F13A1: variants seen among roughly 807,000 people sequenced by gnomAD.
The protein encoded by F13A1 is coagulation factor XIII A chain, also known as FSF, A subunit.
Under a neutral mutation model 80.1 loss-of-function variants are expected in F13A1, and 47 were observed. That is an observed-to-expected ratio of 0.59 (90% confidence interval 0.46 to 0.75). The LOEUF (loss-of-function observed/expected upper bound fraction) is 0.75. Among genes scored for constraint, F13A1 ranks in the 30% least tolerant of loss-of-function variants. The pLI is 0.00. For synonymous variants in F13A1, 349 were observed against 344.9 expected (o/e 1.01, Z -0.13); for missense variants, 817 against 930.4 (o/e 0.88, Z 1.59).
intron 10 of F13A1, 120 bp downstream of exon 10, chr6:6,195,677 G>T: frequency 1.2e-6 from 1 of 843,620 alleles, no homozygotes; most frequent in Non-Finnish European, 2.0e-6. Context: ...AGTTACCTTT[G>T]TCAACACGAA....
intron 2 of F13A1, among the ~76,000 whole-genome samples, chr6:6,310,462 T>C (rs879443068): frequency 1.3e-5 from 2 of 152,196 alleles, no homozygotes; most frequent in Non-Finnish European, 2.9e-5. Flanking sequence ...GAAGTACCTA[T>C]CTTATAGAGT....
In F13A1 at chr6:6,162,110, C is replaced by T. The variant is rs932176985; in HGVS notation, c.1908+5348G>A. Among the ~76,000 whole-genome samples the T allele has an allele frequency of 2.6e-5, 4 of 152,154 alleles. No individual in the cohort carries two copies. The highest frequency in any genetic ancestry group is 9.7e-5 in the African/African-American group (4 of 41,420). ...CCGACTTGTGGGAGAGCAGAGTTGACAATCATGTTACATTCCCACTCTAGA... is the reference window on the plus strand; with the variant it reads ...CCGACTTGTGGGAGAGCAGAGTTGATAATCATGTTACATTCCCACTCTAGA... On this transcript the variant is annotated intron_variant, in intron 13 of 14. Transcript: ENST00000264870. This position sits in a 1 kb window ranked among gnomAD's most constrained non-coding sequence, Gnocchi z 4.2.
intron 4 of F13A1, among the ~76,000 whole-genome samples, chr6:6,259,158 C>A (rs564300743): frequency 4.2e-4 from 64 of 152,216 alleles, no homozygotes; most frequent in Middle Eastern, 3.4e-3. Flanking sequence ...GCATGGGATG[C>A]GACATACTAT....
At chr6:6,236,270 G>A (rs1757412766) in intron 6 of F13A1, among the ~76,000 whole-genome samples, 1 of 152,026 alleles carries the variant, frequency 6.6e-6, no homozygotes, top group Non-Finnish European at 1.5e-5. Flanking sequence ...TTATCCAATT[G>A]TACATTAAGT....
chr6:6,308,757 C>T (rs185956512), intron 2 of F13A1, among the ~76,000 whole-genome samples: 189 of 152,018 alleles, frequency 1.2e-3, no homozygotes, highest in African/African-American at 3.7e-3. Context: ...AGACTACAGG[C>T]TCACACCACC....
At chr6:6,161,023 T>A (rs190068703) in intron 13 of F13A1, among the ~76,000 whole-genome samples, 1 of 152,280 alleles carries the variant, frequency 6.6e-6, no homozygotes, top group Non-Finnish European at 1.5e-5. Flanking sequence ...GCTGCAGGAC[T>A]TTTTCCACAT....
intron 3 of F13A1, among the ~76,000 whole-genome samples, chr6:6,279,259 C>T (rs1758029176): frequency 1.3e-5 from 2 of 152,042 alleles, no homozygotes; most frequent in African/African-American, 4.8e-5. Flanking sequence ...TGAGTTTAAA[C>T]AAGACTGTGT....
chr6:6,232,286 C>T (rs111612087), intron 6 of F13A1, among the ~76,000 whole-genome samples: 3,883 of 152,084 alleles, frequency 0.026, 148 homozygotes, highest in African/African-American at 0.089. Flanking sequence ...ACACCAAAAG[C>T]GAGCAGGGGT....
intron 3 of F13A1, among the ~76,000 whole-genome samples, chr6:6,274,314 C>T (rs532468146): frequency 6.6e-6 from 1 of 152,334 alleles, no homozygotes; most frequent in South Asian, 2.1e-4. Flanking sequence ...TCCTACATCA[C>T]TTAAAGCCTC....
rs76867815 is a variant in F13A1 at position 6,202,320 on chromosome 6, G to A, written c.1113-4994C>T. Reference sequence around the variant, plus strand: ...TATCTAGATCCATAAGAGTTTTTCTGTTTTCATCTTGCAATTCCATCATGC... The same window carrying A: ...TATCTAGATCCATAAGAGTTTTTCTATTTTCATCTTGCAATTCCATCATGC... On this transcript the variant is annotated intron_variant, in intron 8 of 14. Coordinates refer to ENST00000264870, the MANE Select transcript of F13A1 (RefSeq NM_000129.4). Among the ~76,000 whole-genome samples the A allele has an allele frequency of 2.0e-5, 3 of 152,046 alleles. No homozygotes were observed. The East Asian group carries it at 5.8e-4, about 29-fold the overall frequency.
Position 6,269,668 on chromosome 6 carries a change from TC to T in F13A1, c.320-2860del, listed in dbSNP as rs553763807. On this transcript the variant is annotated intron_variant, in intron 3 of 14. Coordinates refer to ENST00000264870, the MANE Select transcript of F13A1 (RefSeq NM_000129.4). ...TAGAGCAATGGTTAGAAAACTATAG[TC>T]TGCGGGCCAAATGTAGCTTACCTAC... Among the ~76,000 whole-genome samples the T allele has an allele frequency of 2.7e-3, 409 of 152,164 alleles. 4 individuals are homozygous for T. The highest frequency in any genetic ancestry group is 9.2e-3 in the African/African-American group (383 of 41,520).
intron 6 of F13A1, among the ~76,000 whole-genome samples, chr6:6,242,781 G>A (rs775906240): frequency 7.2e-5 from 11 of 152,064 alleles, no homozygotes; most frequent in East Asian, 1.9e-4. Flanking sequence ...ATGGAGAAAG[G>A]GTTTCTTCAA....
intron 10 of F13A1, among the ~76,000 whole-genome samples, chr6:6,190,758 C>T (rs1176372102): frequency 3.9e-5 from 6 of 152,014 alleles, no homozygotes; most frequent in Admixed American, 1.3e-4. Context: ...CCACCCAGTT[C>T]GAGCTTCCTG....
intron 8 of F13A1, among the ~76,000 whole-genome samples, chr6:6,214,214 A>G (rs1466711797): frequency 4.0e-5 from 6 of 149,148 alleles, no homozygotes; most frequent in Non-Finnish European, 7.4e-5. Flanking sequence ...ACCCCAAATC[A>G]ACAGAATATA....
intron 3 of F13A1, among the ~76,000 whole-genome samples, chr6:6,267,130 T>A (rs781595018): frequency 1.2e-4 from 18 of 152,220 alleles, no homozygotes; most frequent in Non-Finnish European, 1.8e-4. Context: ...AGGCATATTG[T>A]CAGAGAGAGA....
chr6:6,252,402 T>C (rs1451341740), intron 4 of F13A1, among the ~76,000 whole-genome samples: 1 of 152,178 alleles, frequency 6.6e-6, no homozygotes, highest in African/African-American at 2.4e-5. Context: ...CATACACACA[T>C]ATGTACATAT....
intron 8 of F13A1, among the ~76,000 whole-genome samples, chr6:6,219,725 A>G (rs1052534802): frequency 2.6e-5 from 4 of 152,158 alleles, no homozygotes; most frequent in Non-Finnish European, 5.9e-5. Flanking sequence ...TCTAAGGTGC[A>G]TGGGTGTTTG....
chr6:6,309,428 C>G (rs114904206), intron 2 of F13A1, among the ~76,000 whole-genome samples: 1,992 of 152,054 alleles, frequency 0.013, 42 homozygotes, highest in African/African-American at 0.045. Flanking sequence ...AGTCAGTTGT[C>G]CATGTGGAAA....
intron 6 of F13A1, among the ~76,000 whole-genome samples, chr6:6,237,863 C>T (rs879806322): frequency 2.6e-5 from 4 of 152,176 alleles, no homozygotes; most frequent in African/African-American, 4.8e-5. Context: ...TGTGCTATCA[C>T]TGGAAGATGG....
Sources: gnomAD v4.1 joint callset for allele counts (sites outside exome capture counted in the v4.1 genomes callset) on GRCh38, gnomAD v4.1.1 for gene constraint, Gnocchi (gnomAD v3.1) non-coding constraint, MANE v1.5 for transcripts, NCBI Gene and HGNC (gene_info 2026-07-23, HGNC 2026-07-21) for gene names.